Variants in JADE3 observed in about 807,000 individuals in gnomAD.
JADE3 encodes protein Jade-3.
Under a neutral mutation model 50.1 loss-of-function variants are expected in JADE3, and 2 were observed. The observed-to-expected ratio is 0.04, with a 90% CI of 0.02 to 0.13. The LOEUF is 0.13. Among genes scored for constraint, JADE3 ranks in the 10% least tolerant of loss-of-function variants. JADE3 has a pLI of 1.00. For missense variants in JADE3, 475 were observed against 634.4 expected (o/e 0.75, Z 2.70); for synonymous variants, 218 against 232.9 (o/e 0.94, Z 0.58).
intron 4 of JADE3, 31 bp downstream of exon 4, chrX:46,998,308 G>A: frequency 3.4e-6 from 4 of 1,165,536 alleles, no homozygotes; most frequent in Non-Finnish European, 3.5e-6. Flanking sequence ...TTGACTTAGG[G>A]AATGAATGCT....
intron 8 of JADE3, among the ~76,000 whole-genome samples, chrX:47,048,463 G>A (rs1488055809): frequency 8.9e-6 from 1 of 112,018 alleles, no homozygotes; most frequent in Admixed American, 9.5e-5. Context: ...CCATCAACTC[G>A]ATGAAATGGG....
In JADE3 at chrX:47,024,865, C is replaced by G. The variant is rs1556365212; in HGVS notation, c.426C>G (p.Asp142Glu). ...CTGTTTGCCGCTATGACCTAGATGA[C>G]ATGGACATCTTCTGGCTTCAGGAAC... ...AASVCRYDLDDMDIFWLQELN... is the reference protein window; with the variant it reads ...AASVCRYDLDEMDIFWLQELN... Residue 142 changes from aspartate to glutamate, a missense_variant, in exon 5 of 11, where the codon GAC becomes GAG. Asp to Glu is a conservative substitution (Grantham distance 45, BLOSUM62 2). Around this residue, in one of 6 missense-constraint regions of JADE3, gnomAD observed 54 missense variants for 51.8 expected, o/e 1.04. Coordinates refer to ENST00000614628, the MANE Select transcript of JADE3 (RefSeq NM_014735.5). 5 of 1,201,821 alleles carry G rather than the reference C, an allele frequency of 4.2e-6. 1 individual carries two copies. In the Middle Eastern group the frequency reaches 6.9e-4, roughly 167 times the overall value.
At chrX:47,001,972 T>G (rs911430362) in intron 4 of JADE3, among the ~76,000 whole-genome samples, 4 of 111,420 alleles carry the variant, frequency 3.6e-5, no homozygotes, top group Non-Finnish European at 7.5e-5. Flanking sequence ...TACTATTGAG[T>G]GTTGAGAATT....
rs1192103725 is a variant in JADE3 at position 47,018,897 on chromosome X, G to C, written c.285-5827G>C. ...AGCTGGGCACTGGAATCAACTGAAG[G>C]CTTATTCACTGCGTGTCTGTGTAAC... is the stretch of plus-strand genomic sequence containing the variant. On this transcript the variant is annotated intron_variant, in intron 4 of 10. Transcript: ENST00000614628. Among the ~76,000 whole-genome samples the C allele has an allele frequency of 3.6e-5, 4 of 111,654 alleles. No individual in the cohort carries two copies. In the Admixed American group the frequency reaches 3.8e-4, roughly 11 times the overall value.
At chrX:46,940,453 G>A (rs1461549516) in intron 1 of JADE3, among the ~76,000 whole-genome samples, 2 of 111,653 alleles carry the variant, frequency 1.8e-5, no homozygotes, top group Non-Finnish European at 3.8e-5. Flanking sequence ...GGAGATAAAG[G>A]CTCTTATTTA....
chrX:46,941,089 C>T (rs1272572932), intron 1 of JADE3, among the ~76,000 whole-genome samples: 1 of 109,390 alleles, frequency 9.1e-6, no homozygotes, highest in African/African-American at 3.3e-5. Flanking sequence ...CTTCCTCTTC[C>T]CTCTCTCCCC....
At chrX:47,007,304 T>G (rs1414182740) in intron 4 of JADE3, among the ~76,000 whole-genome samples, 1 of 112,033 alleles carries the variant, frequency 8.9e-6, no homozygotes, top group Non-Finnish European at 1.9e-5. Context: ...TGTTAGTTGG[T>G]GGTAGTGTTG....
intron 1 of JADE3, among the ~76,000 whole-genome samples, chrX:46,968,557 G>GAGCAAGACC (rs1927415750): frequency 9.0e-6 from 1 of 111,172 alleles, no homozygotes; most frequent in South Asian, 3.9e-4. Context: ...CTGTGTGACA[G>GAGCAAGACC]AGCAAGACCG....
intron 6 of JADE3, among the ~76,000 whole-genome samples, chrX:47,032,043 G>T (rs1222618814): frequency 9.0e-6 from 1 of 110,732 alleles, no homozygotes; most frequent in Non-Finnish European, 1.9e-5. Flanking sequence ...GGTGAGAAAG[G>T]TCCAACTATG....
chrX:47,046,817 A>G (rs1556370772), intron 8 of JADE3, among the ~76,000 whole-genome samples: 2 of 112,323 alleles, frequency 1.8e-5, no homozygotes, highest in African/African-American at 6.5e-5. Context: ...CTTGATTTGC[A>G]TATGTTGAGC....
intron 1 of JADE3, among the ~76,000 whole-genome samples, chrX:46,918,368 T>C (rs957474195): frequency 4.5e-5 from 5 of 112,179 alleles, no homozygotes; most frequent in African/African-American, 1.6e-4. Flanking sequence ...GTTTTTTGTT[T>C]TTTGCATGTG....
intron 3 of JADE3, among the ~76,000 whole-genome samples, chrX:46,997,334 C>T (rs1556357649): frequency 9.1e-6 from 1 of 110,079 alleles, no homozygotes; most frequent in African/African-American, 3.3e-5. Context: ...GAAACCCTGC[C>T]TCTACAAAAA....
chrX:47,025,001 G>T, intron 5 of JADE3, 87 bp downstream of exon 5: 1 of 442,649 alleles, frequency 2.3e-6, no homozygotes, highest in Non-Finnish European at 3.8e-6. Flanking sequence ...TTTTATTTTT[G>T]TTGCCTCCTT....
chrX:46,939,615 AC>A (rs1345975672), intron 1 of JADE3, among the ~76,000 whole-genome samples: 88 of 111,989 alleles, frequency 7.9e-4, no homozygotes, highest in African/African-American at 2.8e-3. Context: ...TACTGTTTCC[AC>A]TGTAATGTAT....
chrX:46,916,466 C>A (rs1254301285), intron 1 of JADE3, among the ~76,000 whole-genome samples: 3 of 111,689 alleles, frequency 2.7e-5, no homozygotes, highest in African/African-American at 9.8e-5. Flanking sequence ...AGAGGTAGAG[C>A]AAAGTCTACC....
chrX:46,944,599 C>T (rs150816544), intron 1 of JADE3, among the ~76,000 whole-genome samples: 107 of 110,876 alleles, frequency 9.7e-4, no homozygotes, highest in Admixed American at 2.4e-3. Flanking sequence ...TGAGCCACCA[C>T]GCCTGGCCTT....
chrX:47,031,406 A>G (rs895330404), intron 6 of JADE3, among the ~76,000 whole-genome samples: 1 of 111,478 alleles, frequency 9.0e-6, no homozygotes, highest in Admixed American at 9.5e-5. Flanking sequence ...GTTTTATCCA[A>G]CCACCTACTC....
intron 1 of JADE3, among the ~76,000 whole-genome samples, chrX:46,941,267 A>C (rs782650322): frequency 8.9e-6 from 1 of 111,857 alleles, no homozygotes; most frequent in South Asian, 3.7e-4. Context: ...TTATGGCTAC[A>C]TAGTATTCTA....
In JADE3 at chrX:46,999,347, C is replaced by T. The variant is rs782141703; in HGVS notation, c.284+1070C>T. On this transcript the variant is annotated intron_variant, in intron 4 of 10. Coordinates refer to ENST00000614628, the MANE Select transcript of JADE3 (RefSeq NM_014735.5). ...CACATTGGGAATTAAGGTTCCAATA[C>T]ACAAACTTTTGGTGACACATTCAAA... Among the ~76,000 whole-genome samples, 10 of 105,097 alleles carry T rather than the reference C, an allele frequency of 9.5e-5. No homozygotes were observed. The South Asian group carries it at 4.1e-3, about 43-fold the overall frequency. The allele number at this position is 105,097 out of a possible 115,157, so 91.3% of individuals were successfully genotyped here. A position where few individuals can be genotyped will look rare whatever the true frequency, so the allele number is the denominator to read the frequency against.
Sources: allele counts gnomAD v4.1 joint callset (sites outside exome capture counted in the v4.1 genomes callset), GRCh38; gene constraint gnomAD v4.1.1; regional missense constraint gnomAD v4.1.1; transcripts MANE v1.5; gene names NCBI Gene and HGNC (gene_info 2026-07-23, HGNC 2026-07-21).